Variants in NBPF12 observed in about 807,000 individuals in gnomAD.
NBPF12 encodes NBPF family member NBPF12.
NBPF12 carries 115 observed loss-of-function variants against 146.4 expected under a neutral mutation model. The ratio of observed to expected loss-of-function variants is 0.79; its 90% CI spans 0.68 to 0.92. NBPF12 has a LOEUF of 0.92. NBPF12 is among the 40% of genes least tolerant of loss of function. The pLI, the probability that NBPF12 is intolerant of heterozygous loss-of-function variation, is 0.00. For missense variants in NBPF12, 1,205 were observed against 1,326.8 expected, an observed-to-expected ratio of 0.91 and a Z score of 1.43; for synonymous variants, 385 against 508.9, an observed-to-expected ratio of 0.76 and a Z score of 3.28.
At chr1:146,969,714 G>A (rs1475062517) in intron 11 of NBPF12, 118 bp downstream of exon 14, 19 of 1,561,118 alleles carry the variant, frequency 1.2e-5, no homozygotes, top group Middle Eastern at 2.3e-4. Flanking sequence ...CACATGTGTG[G>A]CCATGACATG....
intron 18 of NBPF12, among the ~76,000 whole-genome samples, chr1:146,978,260 A>ATT (rs1187524068): frequency 0.13 from 10,830 of 83,626 alleles, 1,320 homozygotes; most frequent in Middle Eastern, 0.2. Flanking sequence ...AGCGTCGTAG[A>ATT]TTTTTTTTTT....
In NBPF12 at chr1:146,994,704, C is replaced by T. The variant is rs1373472986; in HGVS notation, c.*129C>T. 7 of 1,463,706 alleles carry T rather than the reference C, an allele frequency of 4.8e-6. No homozygotes were observed. The Admixed American group carries it at 1.1e-4, about 22-fold the overall frequency. The allele number at this position is 1,463,706 out of a possible 1,614,324, so 90.7% of individuals were successfully genotyped here. On this transcript the variant is annotated 3_prime_UTR_variant, in exon 34 of 34. Coordinates refer to ENST00000617844, the Ensembl canonical transcript of NBPF12. ...ATGGGTCAGTGGGCATGGCTCTATTCCTATTCTCAGAGCATGCCAGTGGCA... is the reference window on the plus strand; with the variant it reads ...ATGGGTCAGTGGGCATGGCTCTATTTCTATTCTCAGAGCATGCCAGTGGCA...
rs868943431 is a variant in NBPF12, at chr1:146,994,729, A to G, written c.*154A>G. Reference sequence around the variant, plus strand: ...CCTATTCTCAGAGCATGCCAGTGGCAACCTGTGCTCAGTCTGAAGACAATG... The same window carrying G: ...CCTATTCTCAGAGCATGCCAGTGGCGACCTGTGCTCAGTCTGAAGACAATG... On this transcript the variant is annotated 3_prime_UTR_variant, in exon 34 of 34. Transcript: ENST00000617844. The G allele has an allele frequency of 5.8e-5, 76 of 1,316,360 alleles. No individual in the cohort carries two copies. In the South Asian group the frequency reaches 1.0e-3, roughly 18 times the overall value. 81.5% of individuals were successfully genotyped at this position (1,316,360 alleles called of 1,614,324 possible).
intron 23 of NBPF12, 139 bp downstream of exon 26, chr1:146,985,895 T>A: frequency 1.5e-6 from 1 of 663,854 alleles, no homozygotes; most frequent in Non-Finnish European, 2.7e-6. Context: ...TTGGTTTTCA[T>A]TGCAGTAGAT....
chr1:146,984,569 A>G (rs1487869418), intron 21 of NBPF12, among the ~76,000 whole-genome samples: 3 of 144,720 alleles, frequency 2.1e-5, no homozygotes, highest in Non-Finnish European at 3.0e-5. Flanking sequence ...CAATTGACTG[A>G]GCTCACACTG....
Position 146,964,777 on chromosome 1 carries a change from T to A in NBPF12, c.567-116T>A, listed in dbSNP as rs1417747721. On this transcript the variant is annotated intron_variant, in intron 7 of 33. Transcript: ENST00000617844. ...TGTTCCCTCTTTAAGGGAACCTCCA[T>A]TTTGCTTTCTGGGACCACTCTCTTA... is the stretch of plus-strand genomic sequence containing the variant. The A allele has an allele frequency of 3.7e-4, 572 of 1,545,664 alleles. 1 individual carries two copies. Among genetic ancestry groups the A allele is most frequent in the Non-Finnish European group, 4.7e-4 (527 of 1,120,742 alleles).
At chr1:146,970,956 T>C (rs71241711) in intron 12 of NBPF12, among the ~76,000 whole-genome samples, 24,093 of 149,582 alleles carry the variant, frequency 0.16, 2,524 homozygotes, top group Admixed American at 0.28. Context: ...CAGCTCCTAT[T>C]TGTCCAGTGC....
intron 4 of NBPF12, among the ~76,000 whole-genome samples, chr1:146,961,007 G>T (rs1419078942): frequency 1.3e-5 from 2 of 152,050 alleles, no homozygotes; most frequent in Non-Finnish European, 1.5e-5. Flanking sequence ...GTAGATGGGC[G>T]TCGTGGCGGG....
intron 9 of NBPF12, among the ~76,000 whole-genome samples, chr1:146,967,398 G>T (rs1570851340): frequency 1.3e-5 from 2 of 150,926 alleles, no homozygotes; most frequent in African/African-American, 4.9e-5. Flanking sequence ...CTGCTCAGGA[G>T]GCTGAGGCAG....
chr1:146,961,994 C>G (rs1342910946), intron 4 of NBPF12, among the ~76,000 whole-genome samples, 167 bp from the exon 8 acceptor site: 2 of 151,984 alleles, frequency 1.3e-5, no homozygotes. Context: ...GGATCAGATG[C>G]CAGAAAGTCA....
intron 4 of NBPF12, among the ~76,000 whole-genome samples, chr1:146,961,815 C>T: frequency 6.6e-6 from 1 of 152,062 alleles, no homozygotes; most frequent in Non-Finnish European, 1.5e-5. Context: ...CTTCATGCCC[C>T]AGTGCAGTGT....
chr1:146,973,614 C>G (rs1473732806), intron 14 of NBPF12, among the ~76,000 whole-genome samples: 4 of 148,902 alleles, frequency 2.7e-5, no homozygotes, highest in Non-Finnish European at 4.4e-5. Context: ...ATGGAGAAAC[C>G]CCATCTCCAC....
chr1:146,980,823 A>G (rs1218489579), intron 19 of NBPF12, among the ~76,000 whole-genome samples: 1 of 142,432 alleles, frequency 7.0e-6, no homozygotes, highest in Non-Finnish European at 1.5e-5. Flanking sequence ...GTAAAGACAC[A>G]TGCACACATA....
chr1:146,971,796 T>C (rs1656635808), intron 13 of NBPF12, among the ~76,000 whole-genome samples: 1 of 150,598 alleles, frequency 6.6e-6, no homozygotes, highest in African/African-American at 2.5e-5. Context: ...ATAAGAAGTC[T>C]TGGCCAGGCG....
rs1331512084 is a variant in NBPF12 at position 146,962,281 on chromosome 1, G to T, written c.278+18G>T. ...GAGCTCAGGTGAGGGGACCCCATGG[G>T]GGGAGGCAGGCGGGTAGGTGTGTAG... On this transcript the variant is annotated intron_variant, in intron 5 of 33. Coordinates refer to ENST00000617844, the Ensembl canonical transcript of NBPF12. The T allele has an allele frequency of 2.3e-5, 36 of 1,595,030 alleles. No homozygotes were observed. The East Asian group carries it at 4.2e-4, about 19-fold the overall frequency.
rs1203148769 is a variant in NBPF12 at position 146,977,117 on chromosome 1, T to C, written c.2192+116T>C. On this transcript the variant is annotated intron_variant, in intron 17 of 33. Transcript: ENST00000617844. The stretch of plus-strand genomic sequence containing the variant: ...AAAACCCGCATTCGCTTGGCCACAG[T>C]ATGTGAAATATAACCCAGCTTAGAC... The C allele has an allele frequency of 3.2e-3, 2,515 of 785,932 alleles. 54 individuals carry two copies. In the African/African-American group the frequency reaches 0.039, roughly 12 times the overall value. The allele number at this position is 785,932 out of a possible 1,614,324, so 48.7% of individuals were successfully genotyped here.
upstream of NBPF12, chr1:146,938,672 C>T (rs1570802626): frequency 1.3e-5 from 2 of 152,170 alleles, no homozygotes. Flanking sequence ...ACCCGTTGTG[C>T]GGTAGAGGCA....
chr1:146,966,335 A>C (rs1249209508), intron 8 of NBPF12, 129 bp from the exon 12 acceptor site: 4 of 855,070 alleles, frequency 4.7e-6, no homozygotes, highest in Non-Finnish European at 8.1e-6. Flanking sequence ...AGATGACAAG[A>C]GTGAAACCAG....
At chr1:146,962,622 T>G (rs1457830680) in intron 5 of NBPF12, among the ~76,000 whole-genome samples, 22,114 of 150,934 alleles carry the variant, frequency 0.15, 1,907 homozygotes, top group Admixed American at 0.27. Flanking sequence ...ACTGACTGCG[T>G]CTTCTCATTC....
Sources: gnomAD v4.1 joint callset for allele counts (sites outside exome capture counted in the v4.1 genomes callset) on GRCh38, gnomAD v4.1.1 for gene constraint, MANE v1.5 for transcripts, NCBI Gene and HGNC (gene_info 2026-07-23, HGNC 2026-07-21) for gene names.